The following PRTN3 variants were observed in gnomAD, a reference collection of about 807,000 sequenced individuals.
PRTN3 encodes myeloblastin.
PRTN3 carries 22 observed loss-of-function variants against 20.7 expected under a neutral mutation model. The ratio of observed to expected loss-of-function variants is 1.06; its 90% confidence interval spans 0.76 to 1.52. PRTN3 has a LOEUF of 1.52. Ranked by LOEUF, PRTN3 falls within the 40% of genes most tolerant of loss-of-function variation. The pLI is 0.00. For missense variants in PRTN3, 378 were observed against 359.6 expected, an observed-to-expected ratio of 1.05 and a Z score of -0.41; for synonymous variants, 173 against 152.9, an observed-to-expected ratio of 1.13 and a Z score of -0.97.
rs1309219916 is a variant in PRTN3 at position 843,560 on chromosome 19, A to G, written c.161A>G (p.His54Arg). The change falls in exon 2 of 5, where the codon CAC becomes CGC. Residue 54 changes from histidine (H) to arginine (R), a missense_variant. Physicochemically the swap from His to Arg is conservative, Grantham distance 29. Coordinates refer to ENST00000234347, the MANE Select transcript of PRTN3 (RefSeq NM_002777.4). ...CAGATGCGGGGGAACCCGGGCAGCC[A>G]CTTCTGCGGAGGCACCTTGATCCAC... ...SLQMRGNPGS[H>R]FCGGTLIHPS... 3 of 1,602,430 alleles carry G rather than the reference A, an allele frequency of 1.9e-6. No individual in the cohort carries two copies. The highest frequency in any genetic ancestry group is 2.2e-5 in the East Asian group (1 of 44,672).
chr19:841,832 T>G (rs12984038), intron 1 of PRTN3, among the ~76,000 whole-genome samples: 1 of 131,234 alleles, frequency 7.6e-6, no homozygotes, highest in Admixed American at 7.9e-5. Context: ...GGTTCACGCC[T>G]TTCTCCTGCC....
intron 1 of PRTN3, among the ~76,000 whole-genome samples, chr19:841,983 T>TC (rs1274567978): frequency 1.3e-5 from 2 of 151,756 alleles, no homozygotes; most frequent in East Asian, 3.9e-4. Flanking sequence ...TGCCTCAGCC[T>TC]CCCAAAGTGC....
chr19:845,964 G>A (rs1456765004), intron 3 of PRTN3, among the ~76,000 whole-genome samples, 183 bp from the exon 4 acceptor site: 4 of 152,026 alleles, frequency 2.6e-5, no homozygotes, highest in Non-Finnish European at 5.9e-5. Flanking sequence ...AAAGAAAGAA[G>A]GAAAGAAAAT....
In PRTN3 at chr19:843,363, C is replaced by T. The variant is rs562312874; in HGVS notation, c.62-98C>T. The T allele has an allele frequency of 2.5e-4, 326 of 1,309,036 alleles. 2 individuals carry two copies. The African/African-American group carries it at 4.6e-3, about 18-fold the overall frequency. The allele number at this position is 1,309,036 out of a possible 1,614,324, so 81.1% of individuals were successfully genotyped here. A position where few individuals can be genotyped will look rare whatever the true frequency, so the allele number is the denominator to read the frequency against. On this transcript the variant is annotated intron_variant, in intron 1 of 4. Coordinates refer to ENST00000234347, the MANE Select transcript of PRTN3 (RefSeq NM_002777.4). ...AGCAGGCACTGACCGGGTTGCAGAT[C>T]GGGAGACGGAGGCTCGGAGAGGCCC...
Position 844,001 on chromosome 19 carries a change from G to T in PRTN3, c.336G>T (p.Ala112=). 1 of 1,607,176 alleles carries T rather than the reference G, an allele frequency of 6.2e-7. No individual in the cohort carries two copies. The highest frequency in any genetic ancestry group is 8.5e-7 in the Non-Finnish European group (1 of 1,177,278). Residue 112 remains alanine (A), a synonymous_variant, in exon 3 of 5, where the codon GCG becomes GCT. Coordinates refer to ENST00000234347, the MANE Select transcript of PRTN3 (RefSeq NM_002777.4). ...AGGTGTTTCTGAACAACTACGACGC[G>T]GAGAACAAACTGAACGACGTTCTCC... The part of the protein sequence containing the change: ...VAQVFLNNYD[A]ENKLNDVLLI...
Position 844,044 on chromosome 19 carries a change from C to T in PRTN3, c.369+10C>T. On this transcript the variant is annotated intron_variant, in intron 3 of 4. Coordinates refer to ENST00000234347, the MANE Select transcript of PRTN3 (RefSeq NM_002777.4). ...CGTTCTCCTCATCCAGGTGGGCGGG[C>T]AGGGCCGCGAGGGCTCGGAGGGGCA... 1 of 1,596,936 alleles carries T rather than the reference C, an allele frequency of 6.3e-7. No individual in the cohort carries two copies. Among genetic ancestry groups the T allele is most frequent in the Non-Finnish European group, 8.5e-7 (1 of 1,172,244 alleles).
At position 841,074 on chromosome 19, in the gene PRTN3, G is replaced by A. The variant is rs1301049509; in HGVS notation, c.61+5G>A. On this transcript the variant is annotated splice_donor_5th_base_variant and intron_variant, in intron 1 of 4. Coordinates refer to ENST00000234347, the MANE Select transcript of PRTN3 (RefSeq NM_002777.4). ...TGCTGGCCTTGCTGCTGAGCGGTGA[G>A]TGAGCCACGTGCCCATCCATCCAGC... 8 of 1,604,058 alleles carry A rather than the reference G, an allele frequency of 5.0e-6. No individual in the cohort carries two copies. The highest frequency in any genetic ancestry group is 1.7e-5 in the Admixed American group (1 of 59,908).
At chr19:846,034 C>A in intron 3 of PRTN3, 113 bp from the exon 4 acceptor site, 1 of 659,316 alleles carries the variant, frequency 1.5e-6, no homozygotes, top group Non-Finnish European at 2.4e-6. Flanking sequence ...GCGGAGGGAG[C>A]GGCATCCGCG....
In PRTN3 at chr19:842,413, A is replaced by ATTTTTTTTTTTTTTTTTTTTTTTTTTTTT. The variant is rs34047197; in HGVS notation, c.62-1024_62-1023insTTTTTTTTTTTTTTTTTTTTTTTTTTTTT. ...TCAGGCATGAGCCACTGCGCCCAGG[A>ATTTTTTTTTTTTTTTTTTTTTTTTTTTTT]TTTTTTTTTTTTTTTTTTTTTTTTG... On this transcript the variant is annotated intron_variant, in intron 1 of 4. Coordinates refer to ENST00000234347, the MANE Select transcript of PRTN3 (RefSeq NM_002777.4). Among the ~76,000 whole-genome samples the ATTTTTTTTTTTTTTTTTTTTTTTTTTTTT allele has an allele frequency of 5.1e-5, 2 of 39,418 alleles. 1 individual carries two copies. Among genetic ancestry groups the ATTTTTTTTTTTTTTTTTTTTTTTTTTTTT allele is most frequent in the African/African-American group, 2.9e-4 (2 of 6,788 alleles). 25.9% of individuals were successfully genotyped at this position (39,418 alleles called of 152,430 possible). A position where few individuals can be genotyped will look rare whatever the true frequency, so the allele number is the denominator to read the frequency against.
At chr19:843,030 T>G (rs1257997035) in intron 1 of PRTN3, among the ~76,000 whole-genome samples, 2 of 152,202 alleles carry the variant, frequency 1.3e-5, no homozygotes, top group East Asian at 3.9e-4. Flanking sequence ...TCCTCCCTCC[T>G]CAGCCTCCCA....
Position 847,690 on chromosome 19 carries a change from C to T in PRTN3, c.601-109C>T, listed in dbSNP as rs377711136. The T allele has an allele frequency of 1.5e-3, 2,051 of 1,368,308 alleles. 60 individuals carry two copies. The South Asian group carries it at 0.028, about 19-fold the overall frequency. The allele number at this position is 1,368,308 out of a possible 1,614,324, so 84.8% of individuals were successfully genotyped here. A position where few individuals can be genotyped will look rare whatever the true frequency, so the allele number is the denominator to read the frequency against. The stretch of plus-strand genomic sequence containing the variant: ...GGCCAGCCCGGGTGACTGGCTGTCC[C>T]CATCCTCCCGGGAGACTCAGGTGGC... On this transcript the variant is annotated intron_variant, in intron 4 of 4. Transcript: ENST00000234347.
intron 4 of PRTN3, among the ~76,000 whole-genome samples, chr19:846,692 A>T (rs2035521659): frequency 6.6e-6 from 1 of 152,168 alleles, no homozygotes; most frequent in East Asian, 1.9e-4. Context: ...ATCCAGCGGG[A>T]GGCCCATAAA....
At chr19:841,963 G>A (rs182052463) in intron 1 of PRTN3, among the ~76,000 whole-genome samples, 9 of 151,928 alleles carry the variant, frequency 5.9e-5, no homozygotes, top group African/African-American at 1.7e-4. Flanking sequence ...TCCTGACTTC[G>A]TGATCCGCCT....
intron 1 of PRTN3, among the ~76,000 whole-genome samples, chr19:842,318 AT>A (rs112350346): frequency 0.076 from 9,189 of 121,318 alleles, 331 homozygotes; most frequent in East Asian, 0.2. Flanking sequence ...TTGTTGGCTG[AT>A]TTTTTTTTTT....
intron 1 of PRTN3, among the ~76,000 whole-genome samples, chr19:841,959 C>G (rs1010565329): frequency 6.6e-5 from 10 of 151,792 alleles, no homozygotes; most frequent in African/African-American, 2.4e-4. Flanking sequence ...GATCTCCTGA[C>G]TTCGTGATCC....
rs2035477577 is a variant in PRTN3 at position 843,811 on chromosome 19, T to C, written c.228-82T>C. On this transcript the variant is annotated intron_variant, in intron 2 of 4. Coordinates refer to ENST00000234347, the MANE Select transcript of PRTN3 (RefSeq NM_002777.4). Reference sequence around the variant, plus strand: ...GGTCGCCGAGGGAGGGGTCTGGGGCTGCACCGCGGCCTCGGGAAGGGCCGG... The same window carrying C: ...GGTCGCCGAGGGAGGGGTCTGGGGCCGCACCGCGGCCTCGGGAAGGGCCGG... 4 of 1,495,040 alleles carry C rather than the reference T, an allele frequency of 2.7e-6. No individual in the cohort carries two copies. In the South Asian group the frequency reaches 5.3e-5, roughly 20 times the overall value. 92.6% of individuals were successfully genotyped at this position (1,495,040 alleles called of 1,614,324 possible). A position where few individuals can be genotyped will look rare whatever the true frequency, so the allele number is the denominator to read the frequency against.
intron 4 of PRTN3, among the ~76,000 whole-genome samples, chr19:846,889 C>G (rs960844511): frequency 1.3e-5 from 2 of 152,094 alleles, no homozygotes; most frequent in African/African-American, 4.8e-5. Flanking sequence ...TGCACAGGTA[C>G]CTGCCACCGT....
chr19:843,572 G>T lies in PRTN3; in HGVS notation c.173G>T (p.Gly58Val). 2 of 1,602,842 alleles carry T rather than the reference G, an allele frequency of 1.2e-6. No homozygotes were observed. Among genetic ancestry groups the T allele is most frequent in the Non-Finnish European group, 1.7e-6 (2 of 1,177,752 alleles). The change falls in exon 2 of 5, where the codon GGC (glycine) becomes GTC (valine). Residue 58 changes from glycine to valine, a missense_variant. Transcript: ENST00000234347. ...AACCCGGGCAGCCACTTCTGCGGAG[G>T]CACCTTGATCCACCCCAGCTTCGTG... ...RGNPGSHFCG[G>V]TLIHPSFVLT...
intron 1 of PRTN3, among the ~76,000 whole-genome samples, chr19:841,731 C>T (rs1475203237): frequency 2.3e-5 from 3 of 130,176 alleles, no homozygotes; most frequent in African/African-American, 5.8e-5. Flanking sequence ...TTTTCTTTTT[C>T]TTTTTTTTTT....
Sources: allele counts gnomAD v4.1 joint callset (sites outside exome capture counted in the v4.1 genomes callset), GRCh38; gene constraint gnomAD v4.1.1; transcripts MANE v1.5; gene names NCBI Gene and HGNC (gene_info 2026-07-23, HGNC 2026-07-21).